The following CCDC18 variants were observed in gnomAD, a reference collection of about 807,000 sequenced individuals.
CCDC18 encodes the protein coiled-coil domain containing 18.
In CCDC18, 157 loss-of-function variants were observed where a neutral mutation model predicts 196.0. The observed-to-expected ratio is 0.80, with a 90% CI of 0.70 to 0.91. The LOEUF is 0.91. Ranked by LOEUF, CCDC18 falls within the 40% of genes least tolerant of loss-of-function variation. The pLI is 0.00. For synonymous variants in CCDC18, 482 were observed against 529.2 expected (o/e 0.91, Z 1.22); for missense variants, 1,465 against 1,611.6 (o/e 0.91, Z 1.56).
chr1:93,205,382 G>T, intron 7 of CCDC18, 128 bp from the exon 8 acceptor site: 1 of 729,268 alleles, frequency 1.4e-6, no homozygotes, highest in East Asian at 3.1e-5. Flanking sequence ...TACAAGGCTG[G>T]GGACTTAAAT....
intron 27 of CCDC18, among the ~76,000 whole-genome samples, chr1:93,268,642 A>G (rs143093054): frequency 0.013 from 2,029 of 152,286 alleles, 19 homozygotes; most frequent in East Asian, 0.021. Context: ...TCTCAAAAGA[A>G]GACATTTATG....
At chr1:93,263,485 T>C (rs1165830773) in intron 26 of CCDC18, among the ~76,000 whole-genome samples, 1 of 152,206 alleles carries the variant, frequency 6.6e-6, no homozygotes, top group Non-Finnish European at 1.5e-5. Context: ...CTCTCTCAAC[T>C]TCAAAGTTCC....
intron 21 of CCDC18, among the ~76,000 whole-genome samples, chr1:93,243,414 T>C (rs1368492390): frequency 6.6e-6 from 1 of 152,194 alleles, no homozygotes; most frequent in Non-Finnish European, 1.5e-5. Flanking sequence ...CACAGCGTGG[T>C]GACCCTGGAT....
chr1:93,180,237 G>T (rs367642516), upstream of CCDC18: 7 of 1,610,168 alleles, frequency 4.3e-6, no homozygotes, highest in South Asian at 7.7e-5. Context: ...AGATCTTGTC[G>T]CCCATCCCTG....
chr1:93,270,285 A>G lies in CCDC18; in HGVS notation c.3886-62A>G, dbSNP rs1362678165. ...ACTTTCTAAAAGTCTATGATTTTCTAAGGAGTTCATTCATTTAACAAAAAT... is the reference window on the plus strand; with the variant it reads ...ACTTTCTAAAAGTCTATGATTTTCTGAGGAGTTCATTCATTTAACAAAAAT... On this transcript the variant is annotated intron_variant, in intron 27 of 28. Coordinates refer to ENST00000690025, the MANE Select transcript of CCDC18 (RefSeq NM_001378204.1). 24 of 869,784 alleles carry G rather than the reference A, an allele frequency of 2.8e-5. No individual in the cohort carries two copies. In the East Asian group the frequency reaches 4.0e-4, roughly 14 times the overall value. 53.9% of individuals were successfully genotyped at this position (869,784 alleles called of 1,614,324 possible).
At chr1:93,180,116 C>T (rs1487983225), upstream of CCDC18, 1 of 1,613,732 alleles carries the variant, frequency 6.2e-7, no homozygotes, top group Non-Finnish European at 8.5e-7. Flanking sequence ...TCCTTCTGGC[C>T]GGCGGGAAGG....
intron 17 of CCDC18, among the ~76,000 whole-genome samples, chr1:93,231,499 A>T (rs189436353): frequency 9.5e-4 from 145 of 152,188 alleles, no homozygotes; most frequent in African/African-American, 3.4e-3. Context: ...TCACTTATTA[A>T]ATCTTCCATT....
chr1:93,271,495 G>A, intron 28 of CCDC18: 1 of 985,194 alleles, frequency 1.0e-6, no homozygotes, highest in Non-Finnish European at 1.2e-6. Flanking sequence ...GTATCTTCAG[G>A]CTTCTTTATT....
At chr1:93,236,555 G>A (rs1660096541) in intron 19 of CCDC18, among the ~76,000 whole-genome samples, 165 bp downstream of exon 19, 1 of 152,106 alleles carries the variant, frequency 6.6e-6, no homozygotes, top group African/African-American at 2.4e-5. Flanking sequence ...CTCTCATTAT[G>A]CTTTTTACTG....
At chr1:93,206,284 G>A (rs1654693079) in intron 8 of CCDC18, among the ~76,000 whole-genome samples, 1 of 152,118 alleles carries the variant, frequency 6.6e-6, no homozygotes, top group Non-Finnish European at 1.5e-5. Flanking sequence ...GGAGGAGGAA[G>A]TAAAGATACT....
intron 27 of CCDC18, among the ~76,000 whole-genome samples, chr1:93,268,231 A>G (rs1342490850): frequency 6.6e-6 from 1 of 152,272 alleles, no homozygotes; most frequent in Non-Finnish European, 1.5e-5. Context: ...ATATGTAGAA[A>G]GGTGAAACTG....
intron 17 of CCDC18, among the ~76,000 whole-genome samples, chr1:93,228,861 T>C (rs1463611753): frequency 2.0e-5 from 3 of 152,156 alleles, no homozygotes; most frequent in African/African-American, 4.8e-5. Flanking sequence ...TTTGCATTCA[T>C]AGAAACAACA....
chr1:93,196,694 T>C (rs1364868662), intron 6 of CCDC18, among the ~76,000 whole-genome samples: 1 of 152,232 alleles, frequency 6.6e-6, no homozygotes, highest in African/African-American at 2.4e-5. Flanking sequence ...ATTAATATTC[T>C]TGATCTAATG....
chr1:93,197,487 A>G (rs577617682), intron 6 of CCDC18, among the ~76,000 whole-genome samples: 47 of 152,258 alleles, frequency 3.1e-4, no homozygotes, highest in African/African-American at 1.1e-3. Flanking sequence ...ACTTTAAAAT[A>G]AATGAAAAAC....
upstream of CCDC18, chr1:93,180,298 C>G: frequency 6.5e-7 from 1 of 1,529,344 alleles, no homozygotes; most frequent in Non-Finnish European, 8.8e-7. Flanking sequence ...GTCTCCGCTC[C>G]GCGTTTCCTC....
chr1:93,215,056 C>G, intron 12 of CCDC18, 90 bp downstream of exon 12: 3 of 783,190 alleles, frequency 3.8e-6, no homozygotes, highest in African/African-American at 1.8e-5. Flanking sequence ...TATATGTTTA[C>G]ATCCAGATTT....
Position 93,270,426 on chromosome 1 carries a change from T to C in CCDC18, c.3965T>C (p.Phe1322Ser). The stretch of plus-strand genomic sequence containing the variant: ...GACATCAAGTTTCTGCCAGCCCCAT[T>C]TACATCTCCAACAGAAATTATGCCT... ...AEDIKFLPAPFTSPTEIMPDV... is the reference protein window; with the variant it reads ...AEDIKFLPAPSTSPTEIMPDV... The change falls in exon 28 of 29, where the codon TTT becomes TCT. Residue 1322 changes from phenylalanine (F) to serine (S), a missense_variant. Phe to Ser is a radical substitution (Grantham distance 155). Coordinates refer to ENST00000690025, the MANE Select transcript of CCDC18 (RefSeq NM_001378204.1). 6.5e-7 allele frequency: 1 copy of C among 1,550,368 alleles called. No individual in the cohort carries two copies.
intron 28 of CCDC18, among the ~76,000 whole-genome samples, chr1:93,274,350 C>T (rs1448882752): frequency 2.6e-5 from 4 of 151,558 alleles, no homozygotes; most frequent in East Asian, 2.0e-4. Flanking sequence ...TGCAGTGAGC[C>T]GAGACTGCGC....
chr1:93,193,253 T>TA (rs1485619338), intron 5 of CCDC18, among the ~76,000 whole-genome samples: 1 of 152,190 alleles, frequency 6.6e-6, no homozygotes, highest in African/African-American at 2.4e-5. Context: ...TACTACTTAT[T>TA]ACCTTTTCAT....
Sources: allele counts gnomAD v4.1 joint callset (sites outside exome capture counted in the v4.1 genomes callset), GRCh38; gene constraint gnomAD v4.1.1; transcripts MANE v1.5; gene names NCBI Gene and HGNC (gene_info 2026-07-23, HGNC 2026-07-21).